The following RPS6KC1 variants were observed in gnomAD, a reference collection of about 807,000 sequenced individuals.
RPS6KC1 encodes the protein ribosomal protein S6 kinase C1, also known as inactive ribosomal protein S6 kinase delta-1.
RPS6KC1 carries 54 observed loss-of-function variants against 103.8 expected under a neutral mutation model. The ratio of observed to expected loss-of-function variants is 0.52; its 90% CI spans 0.42 to 0.65. The LOEUF is 0.65. RPS6KC1 is among the 30% of genes least tolerant of loss of function. The pLI is 0.00. For missense variants in RPS6KC1, 1,151 were observed against 1,253.8 expected (o/e 0.92, Z 1.24); for synonymous variants, 439 against 438.7 (o/e 1.00, Z -0.01).
chr1:213,111,587 G>A (rs949454439), intron 4 of RPS6KC1, among the ~76,000 whole-genome samples: 1 of 152,072 alleles, frequency 6.6e-6, no homozygotes, highest in Non-Finnish European at 1.5e-5. Context: ...TATCTTACAA[G>A]AAGATCTTAT....
At chr1:213,307,301 T>C in the RPS6KC1 span, among the ~76,000 whole-genome samples, 2 of 152,116 alleles carry the variant, frequency 1.3e-5, no homozygotes, top group Non-Finnish European at 2.9e-5. Context: ...TCCGCCCGCC[T>C]CGGCCTCCCA....
chr1:213,526,892 T>C, the RPS6KC1 span, among the ~76,000 whole-genome samples: 2 of 152,334 alleles, frequency 1.3e-5, no homozygotes, highest in African/African-American at 4.8e-5. Flanking sequence ...TACTCCAGAT[T>C]TTAAAATATT....
Position 213,240,710 on chromosome 1 carries a change from C to G in RPS6KC1, c.1234C>G (p.Leu412Val). Reference protein sequence around the residue: ...LVLQHAEGGKLWSYISKFLNR... With the variant: ...LVLQHAEGGKVWSYISKFLNR... ...GTTATACTTGTTCACAGGTGGCAAACTGTGGTCATATATCAGTAAATTTCT... is the reference window on the plus strand; with the variant it reads ...GTTATACTTGTTCACAGGTGGCAAAGTGTGGTCATATATCAGTAAATTTCT... The change falls in exon 11 of 15, where the codon CTG (leucine) becomes GTG (valine). Residue 412 changes from leucine to valine, a missense_variant. Leu to Val is a conservative substitution (Grantham distance 32). Around this residue, in one of 3 missense-constraint regions of RPS6KC1, gnomAD observed 959 missense variants for 1,006.3 expected, o/e 0.95. Coordinates refer to ENST00000366960, the MANE Select transcript of RPS6KC1 (RefSeq NM_012424.6). 1 of 1,605,278 alleles carries G rather than the reference C, an allele frequency of 6.2e-7. No individual in the cohort carries two copies. Among genetic ancestry groups the G allele is most frequent in the East Asian group, 2.2e-5 (1 of 44,782 alleles).
At chr1:213,375,759 CAG>C in the RPS6KC1 span, among the ~76,000 whole-genome samples, 1 of 152,152 alleles carries the variant, frequency 6.6e-6, no homozygotes, top group Non-Finnish European at 1.5e-5. Flanking sequence ...AACAGCAAGA[CAG>C]GGGGACCTAT....
chr1:213,305,972 G>A, the RPS6KC1 span, among the ~76,000 whole-genome samples: 6 of 152,148 alleles, frequency 3.9e-5, no homozygotes, highest in Non-Finnish European at 7.3e-5. Context: ...ATTCATTACC[G>A]TTATTAGGAT....
chr1:213,248,091 T>G (rs564594977), intron 12 of RPS6KC1, among the ~76,000 whole-genome samples: 1 of 152,216 alleles, frequency 6.6e-6, no homozygotes, highest in South Asian at 2.1e-4. Flanking sequence ...ACCTGGGTAA[T>G]TTCAGCAAAC....
the RPS6KC1 span, among the ~76,000 whole-genome samples, chr1:213,790,810 G>A: frequency 6.6e-6 from 1 of 152,174 alleles, no homozygotes; most frequent in Non-Finnish European, 1.5e-5. Flanking sequence ...CCTAGTGAAT[G>A]TCAAGACATA....
the RPS6KC1 span, among the ~76,000 whole-genome samples, chr1:213,648,999 G>C: frequency 2.8e-4 from 43 of 152,112 alleles, no homozygotes; most frequent in South Asian, 8.7e-3. Context: ...ACTAGGACAC[G>C]GTCTCCACCT....
chr1:213,117,234 T>A (rs983720815), intron 4 of RPS6KC1, 83 bp from the exon 5 acceptor site: 93 of 661,498 alleles, frequency 1.4e-4, no homozygotes, highest in Middle Eastern at 4.0e-4. Context: ...TCTTTACACA[T>A]ACTTAATTGG....
chr1:213,056,148 G>C (rs1293818050), intron 1 of RPS6KC1, among the ~76,000 whole-genome samples: 1 of 152,192 alleles, frequency 6.6e-6, no homozygotes, highest in Non-Finnish European at 1.5e-5. Flanking sequence ...GCTAGTGTTT[G>C]TTGAGTAATA....
the RPS6KC1 span, among the ~76,000 whole-genome samples, chr1:213,474,244 C>G: frequency 1.3e-5 from 2 of 152,236 alleles, no homozygotes; most frequent in Admixed American, 1.3e-4. Context: ...ATGAGCTGGG[C>G]TCTCCTTGGC....
chr1:213,105,520 T>A (rs185021514), intron 4 of RPS6KC1, among the ~76,000 whole-genome samples: 30 of 152,280 alleles, frequency 2.0e-4, no homozygotes, highest in Admixed American at 6.5e-4. Flanking sequence ...TTATTTATTT[T>A]TTTCTGCCAG....
At chr1:213,668,729 T>C in the RPS6KC1 span, among the ~76,000 whole-genome samples, 4 of 152,196 alleles carry the variant, frequency 2.6e-5, no homozygotes, top group African/African-American at 9.7e-5. Flanking sequence ...CTGTTTTGCC[T>C]CCATTGAAAA....
intron 1 of RPS6KC1, among the ~76,000 whole-genome samples, chr1:213,056,128 A>G (rs1428153496): frequency 6.6e-6 from 1 of 152,194 alleles, no homozygotes; most frequent in Non-Finnish European, 1.5e-5. Context: ...TCCTAGTTTT[A>G]TTATACGTAG....
intron 9 of RPS6KC1, among the ~76,000 whole-genome samples, chr1:213,231,701 G>A (rs2094107813): frequency 6.6e-6 from 1 of 152,118 alleles, no homozygotes; most frequent in African/African-American, 2.4e-5. Flanking sequence ...TGGGGGATAG[G>A]ATTTTAAAAT....
the RPS6KC1 span, among the ~76,000 whole-genome samples, chr1:213,467,310 C>T: frequency 6.6e-6 from 1 of 152,154 alleles, no homozygotes; most frequent in Non-Finnish European, 1.5e-5. Flanking sequence ...CAATAGTTCC[C>T]CTACTGGGAA....
At chr1:213,852,886 G>C in the RPS6KC1 span, among the ~76,000 whole-genome samples, 1 of 152,182 alleles carries the variant, frequency 6.6e-6, no homozygotes, top group African/African-American at 2.4e-5. Context: ...CATTTGCTTG[G>C]TAAATACATA....
the RPS6KC1 span, among the ~76,000 whole-genome samples, chr1:213,344,147 A>G: frequency 6.6e-6 from 1 of 152,196 alleles, no homozygotes; most frequent in East Asian, 1.9e-4. Flanking sequence ...AAGGAGGAAG[A>G]TACAAAACCC....
chr1:213,085,283 C>T (rs754491999), intron 3 of RPS6KC1, among the ~76,000 whole-genome samples: 6 of 152,120 alleles, frequency 3.9e-5, no homozygotes, highest in Non-Finnish European at 8.8e-5. Context: ...AAATTGCCCT[C>T]GACTCTCTTA....
Sources: gnomAD v4.1 joint callset for allele counts (sites outside exome capture counted in the v4.1 genomes callset) on GRCh38, gnomAD v4.1.1 for gene constraint, gnomAD v4.1.1 regional missense constraint, MANE v1.5 for transcripts, NCBI Gene and HGNC (gene_info 2026-07-23, HGNC 2026-07-21) for gene names.